Variants in NSMCE2 observed in about 807,000 individuals in gnomAD.
NSMCE2 encodes E3 SUMO-protein ligase NSE2.
Under a neutral mutation model 23.8 loss-of-function variants are expected in NSMCE2, and 24 were observed. The ratio of observed to expected loss-of-function variants is 1.01; its 90% CI spans 0.73 to 1.42. NSMCE2 has a LOEUF of 1.42. NSMCE2 is among the 40% of genes most tolerant of loss of function. NSMCE2 has a pLI of 0.00. For synonymous variants in NSMCE2, 92 were observed against 94.1 expected (o/e 0.98, Z 0.13); for missense variants, 284 against 296.5 (o/e 0.96, Z 0.31).
Position 125,181,776 on chromosome 8 carries a change from T to TG in NSMCE2, c.265-325dup, listed in dbSNP as rs560645842. 1.0e-3 allele frequency among the ~76,000 whole-genome samples: 158 copies of TG among 151,438 alleles called. 2 individuals carry two copies. Among genetic ancestry groups the TG allele is most frequent in the African/African-American group, 3.6e-3 (149 of 41,224 alleles). On this transcript the variant is annotated intron_variant, in intron 4 of 7. Transcript: ENST00000287437. ...TGAGAGAGGACTGAGCAGACTTGGG[T>TG]GGTGATGCTCAGGTCTGGTGAAGTT... is the stretch of plus-strand genomic sequence containing the variant.
Position 125,182,173 on chromosome 8 carries a change from A to G in NSMCE2, c.335A>G (p.Gln112Arg). ...LLVEKKFLAL[Q>R]SKNSDADFQN... ...GTAGAGAAGAAATTTTTGGCTTTACAGAGCAAGAATTCTGATGCAGACTTT... is the reference window on the plus strand; with the variant it reads ...GTAGAGAAGAAATTTTTGGCTTTACGGAGCAAGAATTCTGATGCAGACTTT... The change falls in exon 5 of 8, where the codon CAG (glutamine) becomes CGG (arginine). Residue 112 changes from glutamine (Q) to arginine (R), a missense_variant. By Grantham distance (43) the Gln-to-Arg change is conservative (BLOSUM62 1). Around this residue, in one of 2 missense-constraint regions of NSMCE2, gnomAD observed 182 missense variants for 155.5 expected, o/e 1.17. Transcript: ENST00000287437. The G allele has an allele frequency of 1.2e-6, 2 of 1,607,072 alleles. No homozygotes were observed. Among genetic ancestry groups the G allele is most frequent in the South Asian group, 2.2e-5 (2 of 89,580 alleles).
chr8:125,302,607 T>G lies in NSMCE2; in HGVS notation c.419-54612T>G, dbSNP rs896201215. ...GATAGCTGGCACTGTGCTAAGTGCT[T>G]GACCTGTGTTATACTTCTTAATCAG... On this transcript the variant is annotated intron_variant, in intron 5 of 7. Transcript: ENST00000287437. Among the ~76,000 whole-genome samples, 2 of 152,180 alleles carry G rather than the reference T, an allele frequency of 1.3e-5. 1 individual carries two copies. The highest frequency in any genetic ancestry group is 2.9e-5 in the Non-Finnish European group (2 of 68,036).
chr8:125,320,290 AAGG>A (rs1829395701), intron 5 of NSMCE2, among the ~76,000 whole-genome samples: 1 of 97,660 alleles, frequency 1.0e-5, no homozygotes, highest in South Asian at 3.3e-4. Context: ...GGAAGGAAGG[AAGG>A]AAGGAAGGAA....
chr8:125,240,118 G>GTTTTTC (rs200882323), intron 5 of NSMCE2, among the ~76,000 whole-genome samples: 8,166 of 147,824 alleles, frequency 0.055, 419 homozygotes, highest in South Asian at 0.14. Flanking sequence ...GAAGTGTGCA[G>GTTTTTC]TTTTTCTTTT....
intron 5 of NSMCE2, among the ~76,000 whole-genome samples, chr8:125,307,813 G>A (rs1008616826): frequency 1.4e-4 from 22 of 152,136 alleles, no homozygotes; most frequent in African/African-American, 5.1e-4. Context: ...AGTTAAAAAC[G>A]ATTACTGTGG....
chr8:125,334,701 A>T (rs1219695743), intron 5 of NSMCE2, among the ~76,000 whole-genome samples: 1 of 148,798 alleles, frequency 6.7e-6, no homozygotes, highest in African/African-American at 2.5e-5. Flanking sequence ...AGCTCAGAGG[A>T]TGACTTTGGG....
chr8:125,143,518 A>C (rs1342480386), intron 3 of NSMCE2, among the ~76,000 whole-genome samples: 1 of 152,172 alleles, frequency 6.6e-6, no homozygotes, highest in Non-Finnish European at 1.5e-5. Flanking sequence ...AGTCATGTTG[A>C]ATTGGAGTCA....
At chr8:125,209,998 G>A (rs759926824) in intron 5 of NSMCE2, among the ~76,000 whole-genome samples, 4 of 152,190 alleles carry the variant, frequency 2.6e-5, no homozygotes, top group Admixed American at 6.5e-5. Context: ...TCTGAGATTA[G>A]CATTTGTTCT....
At chr8:125,356,520 G>T (rs190058897) in intron 5 of NSMCE2, among the ~76,000 whole-genome samples, 242 of 151,856 alleles carry the variant, frequency 1.6e-3, no homozygotes, top group African/African-American at 5.6e-3. Context: ...GTAGAGATGG[G>T]GTTTCACCAT....
chr8:125,282,209 G>T (rs1334392009), intron 5 of NSMCE2, among the ~76,000 whole-genome samples: 1 of 151,854 alleles, frequency 6.6e-6, no homozygotes, highest in Non-Finnish European at 1.5e-5. Flanking sequence ...CCCCACCCAG[G>T]TTTAAGCGAT....
At chr8:125,286,430 A>G (rs1395062543) in intron 5 of NSMCE2, among the ~76,000 whole-genome samples, 5 of 150,844 alleles carry the variant, frequency 3.3e-5, no homozygotes, top group Admixed American at 3.3e-4. Flanking sequence ...CTCCTGCCTC[A>G]GCCTCCCAAG....
At chr8:125,216,233 G>A (rs149797600) in intron 5 of NSMCE2, among the ~76,000 whole-genome samples, 53 of 149,040 alleles carry the variant, frequency 3.6e-4, no homozygotes, top group East Asian at 1.4e-3. Flanking sequence ...GGACATTTGC[G>A]TTTTCACCTT....
chr8:125,146,584 A>G (rs544722763), intron 3 of NSMCE2, among the ~76,000 whole-genome samples: 31 of 152,288 alleles, frequency 2.0e-4, no homozygotes, highest in African/African-American at 7.0e-4. Context: ...TGATGAGTTC[A>G]TGTCCTTTGT....
chr8:125,218,430 G>A (rs78409348), intron 5 of NSMCE2, among the ~76,000 whole-genome samples: 130 of 90,052 alleles, frequency 1.4e-3, no homozygotes, highest in African/African-American at 5.6e-3. Context: ...TTTTTTTTTT[G>A]AGACAGAGTC....
At chr8:125,099,448 G>A (rs1156267386) in intron 1 of NSMCE2, among the ~76,000 whole-genome samples, 2 of 152,016 alleles carry the variant, frequency 1.3e-5, no homozygotes, top group Admixed American at 6.5e-5. Flanking sequence ...TTTGATTTGG[G>A]TATAGAAGGA....
intron 5 of NSMCE2, among the ~76,000 whole-genome samples, chr8:125,321,796 A>C (rs912088247): frequency 6.6e-6 from 1 of 152,228 alleles, no homozygotes; most frequent in Non-Finnish European, 1.5e-5. Context: ...AAATCAGGCC[A>C]GGCACAGTGG....
intron 4 of NSMCE2, among the ~76,000 whole-genome samples, chr8:125,169,107 A>G (rs2130758265): frequency 6.6e-6 from 1 of 151,966 alleles, no homozygotes; most frequent in Admixed American, 6.6e-5. Context: ...CTGAATTTTT[A>G]TTTTCCCCTG....
chr8:125,245,097 C>T (rs1034356591), intron 5 of NSMCE2, among the ~76,000 whole-genome samples: 4 of 152,124 alleles, frequency 2.6e-5, no homozygotes, highest in African/African-American at 9.7e-5. Flanking sequence ...GCCCGACCAA[C>T]ATGGTAAAAC....
intron 5 of NSMCE2, among the ~76,000 whole-genome samples, chr8:125,188,746 C>T (rs35215140): frequency 0.067 from 10,262 of 152,172 alleles, 446 homozygotes; most frequent in South Asian, 0.16. Flanking sequence ...CAGGATACTG[C>T]GAACTAAGGC....
Sources: allele counts gnomAD v4.1 joint callset (sites outside exome capture counted in the v4.1 genomes callset), GRCh38; gene constraint gnomAD v4.1.1; regional missense constraint gnomAD v4.1.1; transcripts MANE v1.5; gene names NCBI Gene and HGNC (gene_info 2026-07-23, HGNC 2026-07-21).